DOCK6: variants seen among roughly 807,000 people sequenced by gnomAD.
The protein encoded by DOCK6 is dedicator of cytokinesis 6, also known as dedicator of cytokinesis protein 6.
A neutral mutation model predicts 230.3 loss-of-function variants in DOCK6; 167 were observed. The observed-to-expected ratio is 0.73, with a 90% CI of 0.64 to 0.82. The LOEUF (loss-of-function observed/expected upper bound fraction) is 0.82. Ranked by LOEUF, DOCK6 falls within the 40% of genes least tolerant of loss-of-function variation. The pLI is 0.00. For missense variants in DOCK6, 2,598 were observed against 2,825.8 expected (o/e 0.92, Z 1.83); for synonymous variants, 1,148 against 1,185.0 (o/e 0.97, Z 0.64).
chr19:11,252,723 G>A, intron 3 of DOCK6, 60 bp downstream of exon 3: 1 of 1,596,516 alleles, frequency 6.3e-7, no homozygotes, highest in Non-Finnish European at 8.6e-7. Context: ...TCGGGCTGTT[G>A]ATGGGGTTGG....
At chr19:11,212,259 G>C (rs2079401100) in intron 35 of DOCK6, 108 bp from the exon 36 acceptor site, 1 of 1,265,560 alleles carries the variant, frequency 7.9e-7, no homozygotes, top group Non-Finnish European at 1.1e-6. Context: ...TATTTTTTTT[G>C]AGATGGGGGT....
Position 11,248,596 on chromosome 19 carries a change from G to A in DOCK6, c.721-445C>T, listed in dbSNP as rs372939377. On this transcript the variant is annotated intron_variant, in intron 6 of 47. Transcript: ENST00000294618. ...CCAGGAAGTCCTCCCTGACCCCTGA[G>A]GCCTGGGCAGGCACCTCTTTCGGGT... Among the ~76,000 whole-genome samples, 4 of 152,160 alleles carry A rather than the reference G, an allele frequency of 2.6e-5. No homozygotes were observed. The East Asian group carries it at 5.8e-4, about 22-fold the overall frequency.
At chr19:11,255,295 G>A (rs1015011835) in intron 1 of DOCK6, among the ~76,000 whole-genome samples, 4 of 140,908 alleles carry the variant, frequency 2.8e-5, no homozygotes, top group Non-Finnish European at 4.6e-5. Context: ...ATGAGCCACC[G>A]CTCCCGGCCT....
intron 37 of DOCK6, among the ~76,000 whole-genome samples, chr19:11,211,298 C>CCTCCCCCAT (rs1299852932): frequency 3.3e-5 from 5 of 152,060 alleles, no homozygotes; most frequent in Admixed American, 2.6e-4. Context: ...ATATGCCCCA[C>CCTCCCCCAT]CTCCCCCATC....
chr19:11,214,711 C>T (rs533589239), intron 32 of DOCK6, 62 bp from the exon 33 acceptor site: 15 of 1,507,448 alleles, frequency 1.0e-5, no homozygotes, highest in Non-Finnish European at 1.4e-5. Context: ...CATGGCTGAG[C>T]TCTCTCCTTC....
chr19:11,232,883 G>A (rs764498744), intron 22 of DOCK6, among the ~76,000 whole-genome samples: 12 of 151,956 alleles, frequency 7.9e-5, no homozygotes, highest in Non-Finnish European at 1.6e-4. Flanking sequence ...GGGGGTGAAT[G>A]TGTATATGCA....
intron 24 of DOCK6, among the ~76,000 whole-genome samples, chr19:11,226,330 A>C (rs1362740623): frequency 6.6e-6 from 1 of 152,178 alleles, no homozygotes; most frequent in East Asian, 1.9e-4. Flanking sequence ...AGATAACAAT[A>C]ATACTAACTT....
At position 11,214,368 on chromosome 19, in the gene DOCK6, T is replaced by C. The variant is rs895585948; in HGVS notation, c.4245A>G (p.Ala1415=). 5.6e-6 allele frequency: 9 copies of C among 1,613,576 alleles called. No individual in the cohort carries two copies. Among genetic ancestry groups the C allele is most frequent in the Non-Finnish European group, 7.6e-6 (9 of 1,179,770 alleles). ...GGCTGTACAGCACAACCTTCAGCAC[T>C]GCCCCCAAGACGCTCTCCCGGGCTT... ...LSEARESVLG[A]VLKVVLYSLG... Residue 1415 remains alanine, a synonymous_variant, in exon 34 of 48, where the codon GCA becomes GCG. Coordinates refer to ENST00000294618, the MANE Select transcript of DOCK6 (RefSeq NM_020812.4).
intron 6 of DOCK6, among the ~76,000 whole-genome samples, chr19:11,248,720 G>C (rs1448823917): frequency 6.6e-6 from 1 of 152,134 alleles, no homozygotes; most frequent in African/African-American, 2.4e-5. Context: ...ACTCTGTCTG[G>C]GTTATACGTT....
intron 7 of DOCK6, chr19:11,247,194 T>G (rs1472426819): frequency 6.6e-6 from 1 of 152,040 alleles, no homozygotes; most frequent in Non-Finnish European, 1.5e-5. Context: ...GGTCAAGAGA[T>G]TCTCCCGCCT....
chr19:11,261,816 G>A (rs920331840), intron 1 of DOCK6, among the ~76,000 whole-genome samples: 1 of 150,842 alleles, frequency 6.6e-6, no homozygotes, highest in Non-Finnish European at 1.5e-5. Flanking sequence ...AGCAGAAGGT[G>A]GGGGGGCGTC....
At chr19:11,217,944 C>T (rs1188732692) in intron 28 of DOCK6, among the ~76,000 whole-genome samples, 1 of 151,786 alleles carries the variant, frequency 6.6e-6, no homozygotes, top group Admixed American at 6.6e-5. Context: ...CTCCGCCCCC[C>T]AGGTTCAAGC....
chr19:11,210,219 C>CT, intron 37 of DOCK6, among the ~76,000 whole-genome samples: 1 of 149,234 alleles, frequency 6.7e-6, no homozygotes, highest in African/African-American at 2.5e-5. Context: ...TCTGTCCACC[C>CT]CTCACCTGTC....
intron 39 of DOCK6, 115 bp from the exon 40 acceptor site, chr19:11,204,446 T>C (rs1345138805): frequency 8.4e-6 from 12 of 1,431,656 alleles, no homozygotes; most frequent in Non-Finnish European, 1.1e-5. Context: ...CATCACCTCC[T>C]CCAGGAAGCC....
chr19:11,223,476 G>A (rs1196096247), intron 24 of DOCK6, among the ~76,000 whole-genome samples: 4 of 152,146 alleles, frequency 2.6e-5, no homozygotes, highest in Non-Finnish European at 5.9e-5. Flanking sequence ...AGAAGCAGGT[G>A]GGTGCCGGGG....
intron 29 of DOCK6, 56 bp downstream of exon 29, chr19:11,217,175 A>T (rs373777367): frequency 2.5e-6 from 4 of 1,599,240 alleles, no homozygotes; most frequent in Non-Finnish European, 3.4e-6. Flanking sequence ...ATCTTGATAC[A>T]TGACTTCTCT....
rs190784309 is a variant in DOCK6 at position 11,248,163 on chromosome 19, G to A, written c.721-12C>T. ...TCCACGGCTTCATCCTGCCAAGAGTGGGGGGTGGGAGCTGGGCGGGAGGAG... is the reference window on the plus strand; with the variant it reads ...TCCACGGCTTCATCCTGCCAAGAGTAGGGGGTGGGAGCTGGGCGGGAGGAG... On this transcript the variant is annotated splice_polypyrimidine_tract_variant and intron_variant, in intron 6 of 47. Transcript: ENST00000294618. 2.0e-5 allele frequency: 32 copies of A among 1,578,026 alleles called. No individual in the cohort carries two copies. The highest frequency in any genetic ancestry group is 2.5e-5 in the Non-Finnish European group (29 of 1,152,848).
intron 21 of DOCK6, among the ~76,000 whole-genome samples, chr19:11,235,296 G>A (rs2079828446): frequency 6.6e-6 from 1 of 151,798 alleles, no homozygotes; most frequent in African/African-American, 2.4e-5. Context: ...TAGTAGAGAC[G>A]GGGTTTCACC....
intron 24 of DOCK6, among the ~76,000 whole-genome samples, chr19:11,224,786 C>T (rs887087813): frequency 6.6e-6 from 1 of 152,110 alleles, no homozygotes; most frequent in Non-Finnish European, 1.5e-5. Context: ...GCAACCCGGC[C>T]AGGCATGGTG....
Sources: gnomAD v4.1 joint callset for allele counts (sites outside exome capture counted in the v4.1 genomes callset) on GRCh38, gnomAD v4.1.1 for gene constraint, MANE v1.5 for transcripts, NCBI Gene and HGNC (gene_info 2026-07-23, HGNC 2026-07-21) for gene names.